The following FLNC variants were observed in gnomAD, a reference collection of about 807,000 sequenced individuals.
FLNC encodes filamin C, also known as filamin-C.
In FLNC, 91 loss-of-function variants were observed where a neutral mutation model predicts 254.3. That is an observed-to-expected ratio of 0.36 (90% CI 0.30 to 0.43). The LOEUF is 0.43. Among genes scored for constraint, FLNC ranks in the 20% least tolerant of loss-of-function variants. The pLI is 1.00. For missense variants in FLNC, 2,853 were observed against 3,802.6 expected, an observed-to-expected ratio of 0.75 and a Z score of 6.57; for synonymous variants, 1,430 against 1,577.2, an observed-to-expected ratio of 0.91 and a Z score of 2.21.
rs1809180888 is a variant in FLNC, at chr7:128,858,745, G to C, written c.*222G>C. ...CAGGACAGTGTCCCTCCCTGGGAATGTGACATGAGGGCCGACTGGGGCCAG... is the reference window on the plus strand; with the variant it reads ...CAGGACAGTGTCCCTCCCTGGGAATCTGACATGAGGGCCGACTGGGGCCAG... On this transcript the variant is annotated 3_prime_UTR_variant, in exon 48 of 48. Coordinates refer to ENST00000325888, the MANE Select transcript of FLNC (RefSeq NM_001458.5). This position sits in a 1 kb window ranked among gnomAD's most constrained non-coding sequence, Gnocchi z 6.7. 1.7e-6 allele frequency: 1 copy of C among 581,324 alleles called. No individual in the cohort carries two copies. The highest frequency in any genetic ancestry group is 2.9e-5 in the Admixed American group (1 of 34,080). The allele number at this position is 581,324 out of a possible 1,614,324, so 36.0% of individuals were successfully genotyped here.
chr7:128,857,164 G>A lies in FLNC; in HGVS notation c.7608G>A (p.Gly2536=), dbSNP rs747040137. The change falls in exon 46 of 48, where the codon GGG becomes GGA. Residue 2536 remains glycine, a synonymous_variant. Transcript: ENST00000325888. This position sits in a 1 kb window ranked among gnomAD's most constrained non-coding sequence, Gnocchi z 4.5. ...TGAACACCCTGAATGCCGGCTCGGG[G>A]GCCTTGTCTGTCACCATTGATGGCC... ...FIVNTLNAGS[G]ALSVTIDGPS... is the part of the protein sequence containing the mutation. The A allele has an allele frequency of 1.2e-6, 2 of 1,614,136 alleles. No homozygotes were observed. Among genetic ancestry groups the A allele is most frequent in the South Asian group, 2.2e-5 (2 of 91,084 alleles).
intron 23 of FLNC, 82 bp downstream of exon 23, chr7:128,846,545 CCTCAGCCCCACCCCATCCT>C: frequency 6.5e-7 from 1 of 1,543,390 alleles, no homozygotes; most frequent in South Asian, 1.1e-5. Flanking sequence ...TCTGCCTGGG[CCTCAGCCCCACCCCATCCT>C]CTCTCAGGGG....
chr7:128,846,724 T>TG (rs1415126002), intron 23 of FLNC, 21 bp from the exon 24 acceptor site: 3 of 1,611,784 alleles, frequency 1.9e-6, no homozygotes, highest in South Asian at 1.1e-5. Flanking sequence ...ATGAAGCTGA[T>TG]GGGGGGATGT....
Position 128,850,490 on chromosome 7 carries a change from C to T in FLNC, c.5398+7C>T. 6.2e-7 allele frequency: 1 copy of T among 1,604,032 alleles called. No homozygotes were observed. Among genetic ancestry groups the T allele is most frequent in the Non-Finnish European group, 8.5e-7 (1 of 1,171,612 alleles). Reference sequence around the variant, plus strand: ...CAGAAAGGGGAGCTCACAGGTACTGCCCTGTGGCTCCCAGGCATGAGGGCT... The same window carrying T: ...CAGAAAGGGGAGCTCACAGGTACTGTCCTGTGGCTCCCAGGCATGAGGGCT... On this transcript the variant is annotated splice_region_variant and intron_variant, in intron 32 of 47. Transcript: ENST00000325888.
Position 128,840,174 on chromosome 7 carries a change from C to T in FLNC, c.1549+14C>T. ...TCAAGGGGCCAAGTGAGTGCCAGAG[C>T]CCAGGGTCGTGAGGGTGGGGCTGGG... On this transcript the variant is annotated intron_variant, in intron 9 of 47. Coordinates refer to ENST00000325888, the MANE Select transcript of FLNC (RefSeq NM_001458.5). The T allele has an allele frequency of 6.2e-7, 1 of 1,613,328 alleles. No homozygotes were observed. Among genetic ancestry groups the T allele is most frequent in the Non-Finnish European group, 8.5e-7 (1 of 1,179,954 alleles).
Position 128,842,144 on chromosome 7 carries a change from G to A in FLNC, c.2122-87G>A. On this transcript the variant is annotated intron_variant, in intron 13 of 47. Coordinates refer to ENST00000325888, the MANE Select transcript of FLNC (RefSeq NM_001458.5). This position sits in a 1 kb window ranked among gnomAD's most constrained non-coding sequence, Gnocchi z 5.4. The stretch of plus-strand genomic sequence containing the variant: ...GCGGGAGTGCCAGTGTTGGGGGTGG[G>A]AAAGGAGGCGCTGGGTTCACCTGCG... 1 of 1,408,214 alleles carries A rather than the reference G, an allele frequency of 7.1e-7. No individual in the cohort carries two copies. Among genetic ancestry groups the A allele is most frequent in the Admixed American group, 1.9e-5 (1 of 51,584 alleles). The allele number at this position is 1,408,214 out of a possible 1,614,324, so 87.2% of individuals were successfully genotyped here. A position where few individuals can be genotyped will look rare whatever the true frequency, so the allele number is the denominator to read the frequency against.
At position 128,846,525 on chromosome 7, in the gene FLNC, C is replaced by T. The variant is rs117927520; in HGVS notation, c.4127+62C>T. The stretch of plus-strand genomic sequence containing the variant: ...CCCTTTCCCAGCCCCTGGCCCTCCT[C>T]GCTCATCCCTCTGCCTGGGCCTCAG... On this transcript the variant is annotated intron_variant, in intron 23 of 47. Coordinates refer to ENST00000325888, the MANE Select transcript of FLNC (RefSeq NM_001458.5). 0.015 allele frequency: 24,132 copies of T among 1,577,122 alleles called. 205 individuals carry two copies. Among genetic ancestry groups the T allele is most frequent in the Non-Finnish European group, 0.017 (20,094 of 1,160,036 alleles).
At position 128,854,826 on chromosome 7, in the gene FLNC, C is replaced by G. The variant is rs1466558108; in HGVS notation, c.7049C>G (p.Ala2350Gly). 1 of 1,614,092 alleles carries G rather than the reference C, an allele frequency of 6.2e-7. No individual in the cohort carries two copies. Among genetic ancestry groups the G allele is most frequent in the South Asian group, 1.1e-5 (1 of 91,082 alleles). Residue 2350 changes from alanine to glycine, a missense_variant, in exon 42 of 48, where the codon GCT becomes GGT. Physicochemically the swap from Ala to Gly is moderately conservative, Grantham distance 60 (BLOSUM62 0). Transcript: ENST00000325888. ...REAGAGGLSI[A>G]VEGPSKAEIA... ...GCTGGCGCTGGGGGCCTGTCCATTG[C>G]TGTGGAGGGTCCTAGCAAAGCGGAG...
At position 128,849,171 on chromosome 7, in the gene FLNC, C is replaced by G. The variant is rs2128937745; in HGVS notation, c.4928-10C>G. On this transcript the variant is annotated splice_polypyrimidine_tract_variant and intron_variant, in intron 28 of 47. Coordinates refer to ENST00000325888, the MANE Select transcript of FLNC (RefSeq NM_001458.5). ...GCACCGCCTGGCCTCACACTCTTCT[C>G]TCTTTCCAGTGTCCATTGGAGGCCA... 1 of 1,613,268 alleles carries G rather than the reference C, an allele frequency of 6.2e-7. No homozygotes were observed. Among genetic ancestry groups the G allele is most frequent in the Non-Finnish European group, 8.5e-7 (1 of 1,179,880 alleles).
At position 128,836,640 on chromosome 7, in the gene FLNC, G is replaced by A. The variant is rs1015239771; in HGVS notation, c.602-520G>A. Among the ~76,000 whole-genome samples, 5 of 152,232 alleles carry A rather than the reference G, an allele frequency of 3.3e-5. No individual in the cohort carries two copies. The highest frequency in any genetic ancestry group is 7.3e-5 in the Non-Finnish European group (5 of 68,042). ...TCCTCACAGGCCCTTTAATGCCTCA[G>A]TTTCCCCAAGTGAGCAGTTAGAAGG... On this transcript the variant is annotated intron_variant, in intron 2 of 47. Transcript: ENST00000325888. The surrounding 1 kb of genome is among the most constrained non-coding windows in gnomAD (Gnocchi z 6.0).
intron 1 of FLNC, among the ~76,000 whole-genome samples, chr7:128,833,197 G>T (rs1298651351): frequency 1.3e-5 from 2 of 152,020 alleles, no homozygotes; most frequent in Admixed American, 1.3e-4. Flanking sequence ...AGGCAGCTCT[G>T]TCTCGCAGCT....
At chr7:128,849,147 C>A in intron 28 of FLNC, 34 bp from the exon 29 acceptor site, 1 of 1,609,748 alleles carries the variant, frequency 6.2e-7, no homozygotes, top group Non-Finnish European at 8.5e-7. Context: ...CCACGTTGAG[C>A]ACCGCCTGGC....
chr7:128,842,481 TTGGGCTGGTGCCACTGAGGC>T lies in FLNC; in HGVS notation c.2266-88_2266-69del. 1 of 1,581,298 alleles carries T rather than the reference TTGGGCTGGTGCCACTGAGGC, an allele frequency of 6.3e-7. No individual in the cohort carries two copies. Among genetic ancestry groups the T allele is most frequent in the South Asian group, 1.1e-5 (1 of 88,050 alleles). On this transcript the variant is annotated intron_variant, in intron 14 of 47. Coordinates refer to ENST00000325888, the MANE Select transcript of FLNC (RefSeq NM_001458.5). The surrounding 1 kb of genome is among the most constrained non-coding windows in gnomAD (Gnocchi z 5.4). Reference sequence around the variant, plus strand: ...CCTGGGCTCAGGCTGGGACTGAGGCTTGGGCTGGTGCCACTGAGGCTGGGCCGGGTGCGCTGGGCAGGAGG... The same window carrying T: ...CCTGGGCTCAGGCTGGGACTGAGGCTTGGGCCGGGTGCGCTGGGCAGGAGG...
At position 128,851,464 on chromosome 7, in the gene FLNC, C is replaced by T; in HGVS notation, c.5678C>T (p.Ser1893Leu). ...ACACCTCCACCTACAGGGGGTCTGT[C>T]ACTGGCCGTGGAGGGCCCATCCAAG... ...VTKDAGEGGL[S>L]LAVEGPSKAE... Residue 1893 changes from serine (S) to leucine (L), a missense_variant, in exon 35 of 48, where the codon TCA (serine) becomes TTA (leucine). Ser to Leu is a moderately radical substitution (Grantham distance 145, BLOSUM62 -2). Coordinates refer to ENST00000325888, the MANE Select transcript of FLNC (RefSeq NM_001458.5). 6.2e-7 allele frequency: 1 copy of T among 1,614,000 alleles called. No homozygotes were observed.
chr7:128,837,087 T>C (rs1808119318), intron 2 of FLNC, 73 bp from the exon 3 acceptor site: 1 of 1,017,204 alleles, frequency 9.8e-7, no homozygotes, highest in Admixed American at 2.0e-5. Flanking sequence ...CTGAGGGTGT[T>C]GGGTGAACAA....
Position 128,856,559 on chromosome 7 carries a change from G to A in FLNC, c.7293G>A (p.Val2431=), listed in dbSNP as rs771939873. Residue 2431 remains valine, a synonymous_variant, in exon 44 of 48, where the codon GTG becomes GTA. Coordinates refer to ENST00000325888, the MANE Select transcript of FLNC (RefSeq NM_001458.5). This position sits in a 1 kb window ranked among gnomAD's most constrained non-coding sequence, Gnocchi z 5.9. ...TGAACCAGCCAGCGTCCTTTGCCGT[G>A]CAGCTGAACGGTGCCCGGGGCGTGA... The part of the protein sequence containing the change: ...LKVNQPASFA[V]QLNGARGVID... 2 of 1,613,002 alleles carry A rather than the reference G, an allele frequency of 1.2e-6. No individual in the cohort carries two copies. Among genetic ancestry groups the A allele is most frequent in the South Asian group, 1.1e-5 (1 of 91,092 alleles).
Position 128,835,302 on chromosome 7 carries a change from C to A in FLNC, c.353-24C>A. ...AGTGGAGGGTGGGGCGCCCCTGAGCCCGTCTGTGCCCTCCCCTCTGCAGAC... is the reference window on the plus strand; with the variant it reads ...AGTGGAGGGTGGGGCGCCCCTGAGCACGTCTGTGCCCTCCCCTCTGCAGAC... On this transcript the variant is annotated intron_variant, in intron 1 of 47. Coordinates refer to ENST00000325888, the MANE Select transcript of FLNC (RefSeq NM_001458.5). This position sits in a 1 kb window ranked among gnomAD's most constrained non-coding sequence, Gnocchi z 5.3. The A allele has an allele frequency of 6.2e-7, 1 of 1,612,328 alleles. No individual in the cohort carries two copies. Among genetic ancestry groups the A allele is most frequent in the African/African-American group, 1.3e-5 (1 of 75,008 alleles).
intron 42 of FLNC, 61 bp downstream of exon 42, chr7:128,854,973 C>A (rs1352675113): frequency 1.3e-6 from 2 of 1,583,488 alleles, no homozygotes; most frequent in South Asian, 2.2e-5. Context: ...GGGTTTCTGC[C>A]CACTGGCCAG....
intron 1 of FLNC, among the ~76,000 whole-genome samples, chr7:128,832,839 G>T (rs1180437144): frequency 6.6e-6 from 1 of 152,210 alleles, no homozygotes; most frequent in African/African-American, 2.4e-5. Context: ...ACCAGCTGGG[G>T]CGCCCCACCA....
Sources: gnomAD v4.1 joint callset for allele counts (sites outside exome capture counted in the v4.1 genomes callset) on GRCh38, gnomAD v4.1.1 for gene constraint, Gnocchi (gnomAD v3.1) non-coding constraint, MANE v1.5 for transcripts, NCBI Gene and HGNC (gene_info 2026-07-23, HGNC 2026-07-21) for gene names.